The following MLXIPL variants were observed in gnomAD, a reference collection of about 807,000 sequenced individuals.
MLXIPL encodes MLX interacting protein like.
Under a neutral mutation model 81.5 loss-of-function variants are expected in MLXIPL, and 49 were observed. That is an observed-to-expected ratio of 0.60 (90% CI 0.48 to 0.76). MLXIPL has a LOEUF of 0.76. Among genes scored for constraint, MLXIPL ranks in the 30% least tolerant of loss-of-function variants. The probability of loss-of-function intolerance (pLI) is 0.00; values close to 1 mark genes in which losing one functional copy is unlikely to be tolerated. For synonymous variants in MLXIPL, 466 were observed against 485.5 expected, an observed-to-expected ratio of 0.96 and a Z score of 0.53; for missense variants, 1,053 against 1,167.0, an observed-to-expected ratio of 0.90 and a Z score of 1.42.
upstream of MLXIPL, among the ~76,000 whole-genome samples, chr7:73,625,287 C>T (rs1796671806): frequency 2.0e-5 from 3 of 152,178 alleles, 1 homozygote; most frequent in South Asian, 6.2e-4. Context: ...ATCACCATCT[C>T]CCCTCACCTA....
chr7:73,594,440 G>A, intron 15 of MLXIPL, 37 bp from the exon 16 acceptor site: 2 of 1,599,078 alleles, frequency 1.3e-6, no homozygotes, highest in South Asian at 1.1e-5. Flanking sequence ...TGGTCCAGCT[G>A]GTCCCCCCAC....
the MLXIPL span, among the ~76,000 whole-genome samples, chr7:73,632,211 A>G: frequency 2.0e-5 from 3 of 151,740 alleles, no homozygotes; most frequent in African/African-American, 7.3e-5. Context: ...TATGCTGTCC[A>G]AGCTGGTCTT....
the MLXIPL span, among the ~76,000 whole-genome samples, chr7:73,647,750 T>A: frequency 6.6e-6 from 1 of 152,034 alleles, no homozygotes; most frequent in Admixed American, 6.5e-5. Context: ...ACCCACCTGA[T>A]GACGCGGGGG....
At chr7:73,621,430 G>A (rs1021793519) in intron 1 of MLXIPL, among the ~76,000 whole-genome samples, 4 of 151,438 alleles carry the variant, frequency 2.6e-5, no homozygotes, top group Admixed American at 2.0e-4. Flanking sequence ...CCTGATTCAG[G>A]TGGGTCCCTG....
intron 2 of MLXIPL, chr7:73,610,177 A>G (rs1554599463): frequency 6.6e-6 from 1 of 151,792 alleles, no homozygotes; most frequent in Non-Finnish European, 1.5e-5. Flanking sequence ...AAAAATCTCA[A>G]TCTCATAGGA....
intron 2 of MLXIPL, among the ~76,000 whole-genome samples, chr7:73,613,874 C>T (rs73702549): frequency 0.046 from 6,994 of 152,090 alleles, 600 homozygotes; most frequent in African/African-American, 0.16. Flanking sequence ...TGGTGGCTCA[C>T]GCCTATAACC....
At chr7:73,624,051 G>T in intron 1 of MLXIPL, 149 bp downstream of exon 1, 1 of 1,108,026 alleles carries the variant, frequency 9.0e-7, no homozygotes, top group Non-Finnish European at 1.2e-6. Flanking sequence ...TGGGAGAAAG[G>T]GGGTGTCCAG....
intron 5 of MLXIPL, 172 bp downstream of exon 5, chr7:73,606,802 C>T (rs1243306734): frequency 2.7e-6 from 2 of 748,736 alleles, no homozygotes; most frequent in Admixed American, 2.2e-5. Context: ...CCCTCACCCC[C>T]CAAGAAGAGA....
chr7:73,593,558 G>A lies in MLXIPL; in HGVS notation c.*307C>T. The A allele has an allele frequency of 8.0e-6, 3 of 374,258 alleles. No individual in the cohort carries two copies. The highest frequency in any genetic ancestry group is 6.8e-5 in the South Asian group (3 of 44,064). The allele number at this position is 374,258 out of a possible 1,614,324, so 23.2% of individuals were successfully genotyped here. ...CAATGTCACAGCTGCCAAGGCCTGG[G>A]GGTCATCTGCTGATTGAACCTTCCC... On this transcript the variant is annotated 3_prime_UTR_variant, in exon 17 of 17. Transcript: ENST00000313375.
chr7:73,615,687 G>A (rs1056263642), intron 2 of MLXIPL, among the ~76,000 whole-genome samples: 13 of 152,116 alleles, frequency 8.5e-5, no homozygotes, highest in African/African-American at 2.9e-4. Context: ...GGCCAAGGTG[G>A]GCAGATCACT....
chr7:73,635,832 A>G, the MLXIPL span, among the ~76,000 whole-genome samples: 1 of 152,164 alleles, frequency 6.6e-6, no homozygotes, highest in East Asian at 1.9e-4. Context: ...TCATCCAACC[A>G]TCCACTCAAA....
intron 2 of MLXIPL, chr7:73,611,480 G>A (rs1795686647): frequency 6.6e-6 from 1 of 152,122 alleles, no homozygotes; most frequent in African/African-American, 2.4e-5. Context: ...AAATTTACTA[G>A]GGCTTTTTAG....
At chr7:73,609,437 G>C (rs1164542209) in intron 2 of MLXIPL, 1 of 151,850 alleles carries the variant, frequency 6.6e-6, no homozygotes, top group Admixed American at 6.6e-5. Flanking sequence ...ATAGAGACGT[G>C]GTTTCACCAT....
At chr7:73,609,554 T>TTGTGTGTGTGTGTGTGTGTGTG (rs34460340) in intron 2 of MLXIPL, 28 of 145,628 alleles carry the variant, frequency 1.9e-4, no homozygotes, top group African/African-American at 7.1e-4. Context: ...CCTGGCCGCT[T>TTGTGTGTGTGTGTGTGTGTGTG]TGTGTGTGTG....
chr7:73,637,476 A>G, the MLXIPL span, among the ~76,000 whole-genome samples: 1 of 144,678 alleles, frequency 6.9e-6, no homozygotes, highest in Admixed American at 7.0e-5. Context: ...CTCTGTCTGG[A>G]AAAAAAAAAA....
chr7:73,624,180 G>C lies in MLXIPL; in HGVS notation c.293+20C>G, dbSNP rs1554602978. 1 of 1,461,444 alleles carries C rather than the reference G, an allele frequency of 6.8e-7. No individual in the cohort carries two copies. Among genetic ancestry groups the C allele is most frequent in the South Asian group, 1.2e-5 (1 of 82,234 alleles). 90.5% of individuals were successfully genotyped at this position (1,461,444 alleles called of 1,614,324 possible). A position where few individuals can be genotyped will look rare whatever the true frequency, so the allele number is the denominator to read the frequency against. ...CCCCACCTGGAAGCCAAGGCCGTCAGGGCCCGGAACCGCCCTCACCTGTAG... is the reference window on the plus strand; with the variant it reads ...CCCCACCTGGAAGCCAAGGCCGTCACGGCCCGGAACCGCCCTCACCTGTAG... On this transcript the variant is annotated intron_variant, in intron 1 of 16. Transcript: ENST00000313375.
chr7:73,606,117 G>T lies in MLXIPL; in HGVS notation c.619-6C>A. The T allele has an allele frequency of 6.4e-7, 1 of 1,568,596 alleles. No homozygotes were observed. Among genetic ancestry groups the T allele is most frequent in the South Asian group, 1.2e-5 (1 of 85,572 alleles). On this transcript the variant is annotated splice_region_variant and splice_polypyrimidine_tract_variant and intron_variant, in intron 5 of 16. Coordinates refer to ENST00000313375, the MANE Select transcript of MLXIPL (RefSeq NM_032951.3). ...GGCGGCCACCTGCCTTCCGCCTAGG[G>T]AGACAGAGCCGTCAGCAGCCGCTAG...
At chr7:73,640,804 A>G in the MLXIPL span, among the ~76,000 whole-genome samples, 1 of 151,726 alleles carries the variant, frequency 6.6e-6, no homozygotes, top group Non-Finnish European at 1.5e-5. Context: ...AGGAGAAAAA[A>G]AAGAACAGAT....
the MLXIPL span, among the ~76,000 whole-genome samples, chr7:73,640,277 C>A: frequency 1.3e-5 from 2 of 150,878 alleles, no homozygotes; most frequent in African/African-American, 4.9e-5. Flanking sequence ...TGGTAGCAAG[C>A]ACCTGTAGTC....
Sources: allele counts gnomAD v4.1 joint callset (sites outside exome capture counted in the v4.1 genomes callset), GRCh38; gene constraint gnomAD v4.1.1; transcripts MANE v1.5; gene names NCBI Gene and HGNC (gene_info 2026-07-23, HGNC 2026-07-21).